ITSN2: variants seen among roughly 807,000 people sequenced by gnomAD.
ITSN2 encodes the protein intersectin-2.
Under a neutral mutation model 243.7 loss-of-function variants are expected in ITSN2, and 156 were observed. The ratio of observed to expected loss-of-function variants is 0.64; its 90% CI spans 0.56 to 0.73. The LOEUF (loss-of-function observed/expected upper bound fraction) is 0.73. ITSN2 is among the 30% of genes least tolerant of loss of function. The probability of loss-of-function intolerance (pLI) is 0.00; values close to 1 mark genes in which losing one functional copy is unlikely to be tolerated. For missense variants in ITSN2, 1,801 were observed against 1,996.1 expected (o/e 0.90, Z 1.86); for synonymous variants, 703 against 699.9 (o/e 1.00, Z -0.07).
At chr2:24,270,434 C>T (rs1347440446) in intron 20 of ITSN2, among the ~76,000 whole-genome samples, 1 of 152,204 alleles carries the variant, frequency 6.6e-6, no homozygotes, top group Non-Finnish European at 1.5e-5. Context: ...CATTCTGGCA[C>T]TGCAATGCTG....
intron 17 of ITSN2, among the ~76,000 whole-genome samples, chr2:24,281,183 C>G (rs1574131808): frequency 6.6e-6 from 1 of 152,164 alleles, no homozygotes; most frequent in Non-Finnish European, 1.5e-5. Context: ...CGCGTGCCAC[C>G]ACACCCAGCT....
At chr2:24,316,475 G>T (rs995099845) in intron 2 of ITSN2, among the ~76,000 whole-genome samples, 1 of 152,090 alleles carries the variant, frequency 6.6e-6, no homozygotes, top group African/African-American at 2.4e-5. Context: ...TAGAGACAGG[G>T]TTTCACCATG....
At position 24,337,341 on chromosome 2, in the gene ITSN2, T is replaced by C. The variant is rs1320953797; in HGVS notation, c.-33-9226A>G. ...ATATATATATATATATATATATATA[T>C]ATATATATATATGTAATTTTTTTTT... On this transcript the variant is annotated intron_variant, in intron 1 of 39. Coordinates refer to ENST00000355123, the MANE Select transcript of ITSN2 (RefSeq NM_006277.3). Among the ~76,000 whole-genome samples the C allele has an allele frequency of 8.7e-4, 102 of 117,252 alleles. 10 individuals are homozygous for C. The Middle Eastern group carries it at 0.016, about 18-fold the overall frequency. The allele number at this position is 117,252 out of a possible 152,430, so 76.9% of individuals were successfully genotyped here. A position where few individuals can be genotyped will look rare whatever the true frequency, so the allele number is the denominator to read the frequency against.
At chr2:24,210,457 C>T (rs1454925020) in intron 34 of ITSN2, 6 of 285,824 alleles carry the variant, frequency 2.1e-5, no homozygotes, top group East Asian at 7.4e-5. Flanking sequence ...ACTAAAAATA[C>T]GAAAATTAGC....
At chr2:24,268,652 A>G (rs1026553859) in intron 20 of ITSN2, among the ~76,000 whole-genome samples, 2 of 152,096 alleles carry the variant, frequency 1.3e-5, no homozygotes, top group African/African-American at 4.8e-5. Flanking sequence ...ATAAGAAAAA[A>G]CAATCTTTAT....
At chr2:24,320,559 A>T (rs1383623836) in intron 2 of ITSN2, among the ~76,000 whole-genome samples, 7 of 116,672 alleles carry the variant, frequency 6.0e-5, no homozygotes, top group Admixed American at 3.6e-4. Flanking sequence ...AAAAAAAAAA[A>T]AAAAAATTAG....
chr2:24,292,707 G>A (rs907627475), intron 15 of ITSN2, among the ~76,000 whole-genome samples: 4 of 152,174 alleles, frequency 2.6e-5, no homozygotes, highest in Non-Finnish European at 4.4e-5. Context: ...CTGCCCACAG[G>A]AAACCTGCAT....
In ITSN2 at chr2:24,288,930, G is replaced by A. The variant is rs368850193; in HGVS notation, c.1724-2579C>T. 8.4e-4 allele frequency among the ~76,000 whole-genome samples: 127 copies of A among 152,054 alleles called. No individual in the cohort carries two copies. In the South Asian group the frequency reaches 0.019, roughly 22 times the overall value. On this transcript the variant is annotated intron_variant, in intron 15 of 39. Transcript: ENST00000355123. ...AATCATACCGTATTTGTCTTTCTGC[G>A]CTTGGCTTACTTCACTTAATGTAAC...
chr2:24,235,298 TAAAAA>T (rs1672031903), intron 29 of ITSN2, among the ~76,000 whole-genome samples: 1 of 151,858 alleles, frequency 6.6e-6, no homozygotes, highest in Non-Finnish European at 1.5e-5. Flanking sequence ...ATGGAGACAG[TAAAAA>T]GATCAGTGGT....
At chr2:24,293,143 TA>T (rs1680485642) in intron 15 of ITSN2, 1 of 152,210 alleles carries the variant, frequency 6.6e-6, no homozygotes, top group Non-Finnish European at 1.5e-5. Context: ...TACTATCCCA[TA>T]AATTATCCTG....
chr2:24,286,255 G>A lies in ITSN2; in HGVS notation c.1820C>T (p.Ala607Val), dbSNP rs764027494. The A allele has an allele frequency of 6.2e-7, 1 of 1,602,928 alleles. No homozygotes were observed. Among genetic ancestry groups the A allele is most frequent in the Non-Finnish European group, 8.5e-7 (1 of 1,171,094 alleles). ...EQLDALEKET[A>V]SKLSEMDSFN... ...AGAATCCATTTCTGACAGCTTAGAT[G>A]CAGTTTCTTTTTCAAGAGCATCTAA... The change falls in exon 16 of 40, where the codon GCA becomes GTA. Residue 607 changes from alanine to valine, a missense_variant. Transcript: ENST00000355123.
chr2:24,258,332 A>G (rs933661090), intron 22 of ITSN2, among the ~76,000 whole-genome samples: 1 of 152,240 alleles, frequency 6.6e-6, no homozygotes, highest in Admixed American at 6.5e-5. Context: ...CATCACTGGT[A>G]GAGAAGGTAA....
chr2:24,229,283 A>C (rs561047797), intron 29 of ITSN2, among the ~76,000 whole-genome samples: 1 of 152,198 alleles, frequency 6.6e-6, no homozygotes, highest in African/African-American at 2.4e-5. Context: ...GAGACTATAC[A>C]TTCTTTTTCC....
intron 5 of ITSN2, chr2:24,311,659 T>C (rs915609359): frequency 6.0e-6 from 1 of 167,058 alleles, no homozygotes; most frequent in African/African-American, 2.4e-5. Flanking sequence ...TTATAAGAAA[T>C]TGCCTGATCA....
chr2:24,340,354 G>A (rs989529400), intron 1 of ITSN2, among the ~76,000 whole-genome samples: 30 of 151,952 alleles, frequency 2.0e-4, no homozygotes, highest in Non-Finnish European at 1.2e-4. Context: ...GGTGGCACAC[G>A]CTTGTAGTCC....
chr2:24,212,900 A>G, intron 32 of ITSN2, 152 bp from the exon 33 acceptor site: 1 of 645,848 alleles, frequency 1.5e-6, no homozygotes, highest in Admixed American at 3.0e-5. Flanking sequence ...TGAGTGTTCT[A>G]TTTTTTATTT....
Position 24,261,549 on chromosome 2 carries a change from C to T in ITSN2, c.2537+12G>A. 6.3e-7 allele frequency: 1 copy of T among 1,597,978 alleles called. No individual in the cohort carries two copies. Among genetic ancestry groups the T allele is most frequent in the Non-Finnish European group, 8.6e-7 (1 of 1,168,474 alleles). ...AGATCTATATAAACTTTACTGTTAGCTAAAAACTTACTCAGAGGAAGTTGA... is the reference window on the plus strand; with the variant it reads ...AGATCTATATAAACTTTACTGTTAGTTAAAAACTTACTCAGAGGAAGTTGA... On this transcript the variant is annotated intron_variant, in intron 21 of 39. Coordinates refer to ENST00000355123, the MANE Select transcript of ITSN2 (RefSeq NM_006277.3).
chr2:24,263,880 G>A (rs1342752950), intron 20 of ITSN2, among the ~76,000 whole-genome samples: 8 of 152,048 alleles, frequency 5.3e-5, no homozygotes, highest in African/African-American at 1.2e-4. Flanking sequence ...GTCTTCATAC[G>A]GACATATGTT....
intron 1 of ITSN2, among the ~76,000 whole-genome samples, chr2:24,358,514 TGAA>T (rs1309840774): frequency 1.3e-5 from 2 of 152,198 alleles, no homozygotes; most frequent in African/African-American, 4.8e-5. Flanking sequence ...AAAGTATAGT[TGAA>T]GGAGACAGCC....
Sources: gnomAD v4.1 joint callset for allele counts (sites outside exome capture counted in the v4.1 genomes callset) on GRCh38, gnomAD v4.1.1 for gene constraint, MANE v1.5 for transcripts, NCBI Gene and HGNC (gene_info 2026-07-23, HGNC 2026-07-21) for gene names.